Variants in MOB3A observed in about 807,000 individuals in gnomAD.
MOB3A encodes MOB LAK.
In MOB3A, 17 loss-of-function variants were observed where a neutral mutation model predicts 17.8. The ratio of observed to expected loss-of-function variants is 0.95; its 90% CI spans 0.65 to 1.43. The LOEUF (loss-of-function observed/expected upper bound fraction) is 1.43, where lower values mean the gene tolerates loss of function less well. MOB3A is among the 40% of genes most tolerant of loss of function. MOB3A has a pLI of 0.00. For synonymous variants in MOB3A, 124 were observed against 133.2 expected, an observed-to-expected ratio of 0.93 and a Z score of 0.48; for missense variants, 333 against 310.8, an observed-to-expected ratio of 1.07 and a Z score of -0.54.
intron 1 of MOB3A, among the ~76,000 whole-genome samples, chr19:2,095,547 C>T (rs896744720): frequency 1.1e-4 from 16 of 152,286 alleles, no homozygotes; most frequent in African/African-American, 3.8e-4. Context: ...GTGCGGGGTC[C>T]TGCGGGAGGG....
At chr19:2,089,279 C>T (rs981130892) in intron 1 of MOB3A, among the ~76,000 whole-genome samples, 3 of 152,136 alleles carry the variant, frequency 2.0e-5, no homozygotes, top group Non-Finnish European at 2.9e-5. Context: ...CCAGTTGCCT[C>T]GCCTGAGGGT....
intron 1 of MOB3A, among the ~76,000 whole-genome samples, chr19:2,089,024 C>G (rs1306819658): frequency 6.6e-6 from 1 of 152,210 alleles, no homozygotes; most frequent in African/African-American, 2.4e-5. Flanking sequence ...CTCCTGCTTT[C>G]TGGGGAGCAC....
intron 1 of MOB3A, among the ~76,000 whole-genome samples, chr19:2,088,884 T>C (rs1444740668): frequency 6.6e-6 from 1 of 152,190 alleles, no homozygotes; most frequent in Non-Finnish European, 1.5e-5. Context: ...ATTATAGACA[T>C]GAGCCACGGA....
intron 3 of MOB3A, 144 bp from the exon 4 acceptor site, chr19:2,077,157 T>G: frequency 1.5e-6 from 1 of 683,374 alleles, no homozygotes; most frequent in East Asian, 2.8e-5. Context: ...TCCCAGCACT[T>G]TGGGAGGCCG....
At chr19:2,088,543 C>A (rs778561454) in intron 1 of MOB3A, among the ~76,000 whole-genome samples, 1 of 152,274 alleles carries the variant, frequency 6.6e-6, no homozygotes, top group East Asian at 1.9e-4. Context: ...TCTTGGCTCA[C>A]TGCAACCTCC....
In MOB3A at chr19:2,078,477, G is replaced by C; in HGVS notation, c.84C>G (p.Arg28=). 6.2e-7 allele frequency: 1 copy of C among 1,610,768 alleles called. No homozygotes were observed. Among genetic ancestry groups the C allele is most frequent in the Non-Finnish European group, 8.5e-7 (1 of 1,177,438 alleles). ...PKRKFEPGTQ[R]FELHKKAQAS... ...CCTGCGCCTTCTTGTGCAGCTCGAA[G>C]CGCTGGGTGCCTGGCTCAAACTTGC... The change falls in exon 3 of 5, where the codon CGC becomes CGG. Residue 28 remains arginine, a synonymous_variant. Coordinates refer to ENST00000357066, the MANE Select transcript of MOB3A (RefSeq NM_130807.3).
chr19:2,079,513 T>G (rs1599404806), intron 2 of MOB3A, among the ~76,000 whole-genome samples: 1 of 151,784 alleles, frequency 6.6e-6, no homozygotes, highest in African/African-American at 2.4e-5. Flanking sequence ...GAGATGGGGG[T>G]GCTGCTTCCA....
chr19:2,090,039 G>C (rs2144937791), intron 1 of MOB3A: 1 of 152,398 alleles, frequency 6.6e-6, no homozygotes, highest in African/African-American at 2.4e-5. Context: ...TAATCTACCA[G>C]GGACTCCACT....
At chr19:2,086,365 A>T (rs1294951376) in intron 1 of MOB3A, among the ~76,000 whole-genome samples, 1 of 138,774 alleles carries the variant, frequency 7.2e-6, no homozygotes, top group African/African-American at 2.7e-5. Flanking sequence ...TTACTTTTTT[A>T]TTTTTATTTT....
At chr19:2,089,076 C>T (rs2144936436) in intron 1 of MOB3A, among the ~76,000 whole-genome samples, 1 of 152,284 alleles carries the variant, frequency 6.6e-6, no homozygotes, top group Middle Eastern at 3.4e-3. Flanking sequence ...GGGTTCATGC[C>T]GCAGCCCTGT....
intron 1 of MOB3A, among the ~76,000 whole-genome samples, chr19:2,089,914 C>G (rs543721080): frequency 1.3e-5 from 2 of 152,018 alleles, no homozygotes; most frequent in African/African-American, 2.4e-5. Flanking sequence ...AGCCCCTCCT[C>G]TAGTTGTGAC....
chr19:2,084,671 A>T (rs1568255086), intron 2 of MOB3A, among the ~76,000 whole-genome samples: 1 of 151,200 alleles, frequency 6.6e-6, no homozygotes, highest in Non-Finnish European at 1.5e-5. Context: ...GCTCACTGCA[A>T]ACTCTGCCTC....
chr19:2,091,707 A>G (rs1029837658), intron 1 of MOB3A, among the ~76,000 whole-genome samples: 9 of 150,198 alleles, frequency 6.0e-5, no homozygotes, highest in Admixed American at 2.6e-4. Flanking sequence ...TTGTTAAAGA[A>G]GGAATAAAAG....
At position 2,082,446 on chromosome 19, in the gene MOB3A, C is replaced by T. The variant is rs2017500764; in HGVS notation, c.-120+2729G>A. Among the ~76,000 whole-genome samples the T allele has an allele frequency of 1.3e-5, 2 of 152,200 alleles. No individual in the cohort carries two copies. The highest frequency in any genetic ancestry group is 1.5e-5 in the Non-Finnish European group (1 of 68,038). The stretch of plus-strand genomic sequence containing the variant: ...TAGATCGCCCTGGGTGAGATCGTGG[C>T]TCAGATGATTATGACTGATTCTACA... On this transcript the variant is annotated intron_variant, in intron 2 of 4. Transcript: ENST00000357066. This position sits in a 1 kb window ranked among gnomAD's most constrained non-coding sequence, Gnocchi z 4.1.
chr19:2,077,115 G>A, intron 3 of MOB3A, 102 bp from the exon 4 acceptor site: 3 of 1,043,426 alleles, frequency 2.9e-6, no homozygotes, highest in Non-Finnish European at 4.3e-6. Flanking sequence ...AGAAATTGCT[G>A]GCAGATCGGG....
In MOB3A at chr19:2,096,222, C is replaced by T. The variant is rs368494050; in HGVS notation, c.-274+4G>A. On this transcript the variant is annotated splice_donor_region_variant and intron_variant, in intron 1 of 4. Transcript: ENST00000357066. ...GCCCGCCTTCGCCCCTCCCGGACACCCACCTGATCGCCTCTGCCGCCCGCC... is the reference window on the plus strand; with the variant it reads ...GCCCGCCTTCGCCCCTCCCGGACACTCACCTGATCGCCTCTGCCGCCCGCC... The T allele has an allele frequency of 5.7e-4, 88 of 155,078 alleles. 1 individual carries two copies. The East Asian group carries it at 0.014, about 25-fold the overall frequency. 9.6% of individuals were successfully genotyped at this position (155,078 alleles called of 1,614,324 possible).
chr19:2,079,300 A>G (rs10403009), intron 2 of MOB3A, among the ~76,000 whole-genome samples: 73,656 of 152,142 alleles, frequency 0.48, 18,572 homozygotes, highest in African/African-American at 0.63. Flanking sequence ...CTGAGATGCC[A>G]GTCACAGGGG....
intron 4 of MOB3A, among the ~76,000 whole-genome samples, chr19:2,076,458 A>C (rs72620507): frequency 0.076 from 11,595 of 152,168 alleles, 607 homozygotes; most frequent in East Asian, 0.2. Context: ...AACAAACAAA[A>C]AAAGTCGGGG....
At chr19:2,084,397 G>A (rs1345819237) in intron 2 of MOB3A, among the ~76,000 whole-genome samples, 1 of 151,602 alleles carries the variant, frequency 6.6e-6, no homozygotes, top group African/African-American at 2.4e-5. Context: ...AGGAGGCTGA[G>A]GCAGGAGAAT....
Sources: allele counts gnomAD v4.1 joint callset (sites outside exome capture counted in the v4.1 genomes callset), GRCh38; gene constraint gnomAD v4.1.1; non-coding constraint Gnocchi (gnomAD v3.1); transcripts MANE v1.5; gene names NCBI Gene and HGNC (gene_info 2026-07-23, HGNC 2026-07-21).